WDR33: variants seen among roughly 807,000 people sequenced by gnomAD.
WDR33 encodes the protein WD repeat domain 33.
Under a neutral mutation model 164.9 loss-of-function variants are expected in WDR33, and 47 were observed. The ratio of observed to expected loss-of-function variants is 0.29; its 90% confidence interval spans 0.23 to 0.36. The LOEUF (loss-of-function observed/expected upper bound fraction) is 0.36. Ranked by LOEUF, WDR33 falls within the 10% of genes least tolerant of loss-of-function variation. The pLI is 1.00. For synonymous variants in WDR33, 505 were observed against 589.0 expected (o/e 0.86, Z 2.06); for missense variants, 1,137 against 1,754.1 (o/e 0.65, Z 6.28).
At chr2:127,805,068 C>CTT (rs201681607) in intron 1 of WDR33, among the ~76,000 whole-genome samples, 1,639 of 84,484 alleles carry the variant, frequency 0.019, 231 homozygotes, top group East Asian at 0.062. Context: ...GAAGTTTTTT[C>CTT]TTTTTTTTTT....
intron 7 of WDR33, chr2:127,737,870 A>C: frequency 7.0e-7 from 1 of 1,425,262 alleles, no homozygotes. Flanking sequence ...TCCGTGTCAA[A>C]GTAGAAGAGT....
At chr2:127,796,774 G>T (rs6430952) in intron 1 of WDR33, among the ~76,000 whole-genome samples, 36,110 of 151,636 alleles carry the variant, frequency 0.24, 4,903 homozygotes, top group African/African-American at 0.36. Flanking sequence ...TTTGTATTTC[G>T]GTCTCCTAAA....
At position 127,801,253 on chromosome 2, in the gene WDR33, A is replaced by G. The variant is rs183155403; in HGVS notation, c.-24+9759T>C. On this transcript the variant is annotated intron_variant, in intron 1 of 21. Coordinates refer to ENST00000322313, the MANE Select transcript of WDR33 (RefSeq NM_018383.5). ...AGCTATGATTATACCACTGTACTCCAGCAGGGGTAACAGAAGGAGACCTTT... is the reference window on the plus strand; with the variant it reads ...AGCTATGATTATACCACTGTACTCCGGCAGGGGTAACAGAAGGAGACCTTT... Among the ~76,000 whole-genome samples the G allele has an allele frequency of 2.6e-5, 4 of 152,322 alleles. No homozygotes were observed. In the East Asian group the frequency reaches 7.7e-4, roughly 29 times the overall value.
chr2:127,731,772 G>T (rs757408112), intron 7 of WDR33, among the ~76,000 whole-genome samples: 2 of 152,046 alleles, frequency 1.3e-5, no homozygotes, highest in Admixed American at 1.3e-4. Context: ...CCTAAAAAGG[G>T]TACATATTAC....
At chr2:127,727,113 C>A (rs139009409) in intron 7 of WDR33, among the ~76,000 whole-genome samples, 1 of 152,232 alleles carries the variant, frequency 6.6e-6, no homozygotes, top group African/African-American at 2.4e-5. Context: ...TCCCGATTAC[C>A]CTGATTATAG....
chr2:127,745,141 G>A (rs763176952), intron 7 of WDR33, among the ~76,000 whole-genome samples: 3 of 152,096 alleles, frequency 2.0e-5, no homozygotes, highest in Non-Finnish European at 4.4e-5. Flanking sequence ...TCTTTAAAAC[G>A]CATACTGAGA....
At chr2:127,765,895 C>G (rs1202160227) in intron 4 of WDR33, among the ~76,000 whole-genome samples, 1 of 151,734 alleles carries the variant, frequency 6.6e-6, no homozygotes, top group African/African-American at 2.4e-5. Context: ...AGTGCCATGA[C>G]TAATTAACAC....
intron 7 of WDR33, chr2:127,736,440 A>G: frequency 1.0e-6 from 1 of 985,456 alleles, no homozygotes; most frequent in South Asian, 4.7e-5. Context: ...AGTTATAAAA[A>G]ATTTTGAAAT....
rs202205365 is a variant in WDR33, at chr2:127,720,588, A to ATT, written c.1672-237_1672-236dup. Among the ~76,000 whole-genome samples, 1 of 147,126 alleles carries ATT rather than the reference A, an allele frequency of 6.8e-6. No individual in the cohort carries two copies. The highest frequency in any genetic ancestry group is 2.5e-5 in the African/African-American group (1 of 39,900). On this transcript the variant is annotated intron_variant, in intron 15 of 21. Transcript: ENST00000322313. The surrounding 1 kb of genome is among the most constrained non-coding windows in gnomAD (Gnocchi z 5.9). ...CAGTAGTAAGGATTTTTTTTTCCTT[A>ATT]TTTTTTTTTTCTGTCCCCCAAGCTG... is the stretch of plus-strand genomic sequence containing the variant.
chr2:127,706,196 G>A lies in WDR33; in HGVS notation c.*127C>T, dbSNP rs1412031576. On this transcript the variant is annotated 3_prime_UTR_variant, in exon 22 of 22. Coordinates refer to ENST00000322313, the MANE Select transcript of WDR33 (RefSeq NM_018383.5). The surrounding 1 kb of genome is among the most constrained non-coding windows in gnomAD (Gnocchi z 5.1). ...TTGAAGACCTCATTGAGGGTTCCTG[G>A]GATTCAGGTGCCCAGAAAAGAGTTC... The A allele has an allele frequency of 4.7e-6, 4 of 848,800 alleles. No individual in the cohort carries two copies. The highest frequency in any genetic ancestry group is 1.7e-6 in the Non-Finnish European group (1 of 587,822). The allele number at this position is 848,800 out of a possible 1,614,324, so 52.6% of individuals were successfully genotyped here.
chr2:127,782,212 G>A (rs1688395504), intron 1 of WDR33, among the ~76,000 whole-genome samples: 2 of 152,066 alleles, frequency 1.3e-5, no homozygotes, highest in African/African-American at 4.8e-5. Context: ...TTCACGACCA[G>A]CCTGACCAAC....
At chr2:127,795,216 T>A (rs1423590248) in intron 1 of WDR33, among the ~76,000 whole-genome samples, 1 of 150,772 alleles carries the variant, frequency 6.6e-6, no homozygotes, top group Non-Finnish European at 1.5e-5. Context: ...TTCTCCTGCC[T>A]CAGCCTCCTG....
chr2:127,788,800 A>ACC (rs1342523124), intron 1 of WDR33, among the ~76,000 whole-genome samples: 15 of 71,484 alleles, frequency 2.1e-4, no homozygotes, highest in African/African-American at 6.1e-4. Flanking sequence ...CGGGGGGTTG[A>ACC]CCCCCCCCCA....
In WDR33 at chr2:127,701,128, A is replaced by C; in HGVS notation, c.*5195T>G. The C allele has an allele frequency of 6.3e-6, 1 of 159,854 alleles. No homozygotes were observed. Among genetic ancestry groups the C allele is most frequent in the Non-Finnish European group, 1.4e-5 (1 of 73,236 alleles). The allele number at this position is 159,854 out of a possible 1,614,324, so 9.9% of individuals were successfully genotyped here. A position where few individuals can be genotyped will look rare whatever the true frequency, so the allele number is the denominator to read the frequency against. ...CCTTTACCCATTCCTCCATGTTGCA[A>C]AACTAGCACAATATCACCGCCACGG... On this transcript the variant is annotated 3_prime_UTR_variant, in exon 22 of 22. Coordinates refer to ENST00000322313, the MANE Select transcript of WDR33 (RefSeq NM_018383.5).
intron 1 of WDR33, among the ~76,000 whole-genome samples, chr2:127,771,215 C>T (rs1687992036): frequency 6.6e-6 from 1 of 152,134 alleles, no homozygotes; most frequent in Non-Finnish European, 1.5e-5. Context: ...GTACAAACTT[C>T]ACAGAGTTGT....
chr2:127,793,968 C>A (rs1184054318), intron 1 of WDR33, among the ~76,000 whole-genome samples: 1 of 152,002 alleles, frequency 6.6e-6, no homozygotes, highest in Admixed American at 6.6e-5. Context: ...AACCCTGTCT[C>A]TACCAAAATA....
chr2:127,723,248 C>T lies in WDR33; in HGVS notation c.1291+5G>A. 2 of 1,611,542 alleles carry T rather than the reference C, an allele frequency of 1.2e-6. No individual in the cohort carries two copies. The highest frequency in any genetic ancestry group is 1.7e-6 in the Non-Finnish European group (2 of 1,178,328). ...CAAAGAAGGACAGATGTGCAAGAGTCTCACCATATTCTACTCCATCTTCAG... is the reference window on the plus strand; with the variant it reads ...CAAAGAAGGACAGATGTGCAAGAGTTTCACCATATTCTACTCCATCTTCAG... On this transcript the variant is annotated splice_donor_5th_base_variant and intron_variant, in intron 12 of 21. Coordinates refer to ENST00000322313, the MANE Select transcript of WDR33 (RefSeq NM_018383.5). The surrounding 1 kb of genome is among the most constrained non-coding windows in gnomAD (Gnocchi z 5.9).
chr2:127,751,244 C>A (rs1573915425), intron 7 of WDR33, among the ~76,000 whole-genome samples: 1 of 151,710 alleles, frequency 6.6e-6, no homozygotes, highest in Non-Finnish European at 1.5e-5. Context: ...ACCTGTAGCC[C>A]CAGCTTCTCA....
intron 7 of WDR33, among the ~76,000 whole-genome samples, chr2:127,752,551 C>A (rs1464305249): frequency 1.4e-5 from 2 of 144,474 alleles, no homozygotes; most frequent in East Asian, 4.1e-4. Context: ...GATTGCGCCA[C>A]TGCAGTCCGC....
Sources: gnomAD v4.1 joint callset for allele counts (sites outside exome capture counted in the v4.1 genomes callset) on GRCh38, gnomAD v4.1.1 for gene constraint, Gnocchi (gnomAD v3.1) non-coding constraint, MANE v1.5 for transcripts, NCBI Gene and HGNC (gene_info 2026-07-23, HGNC 2026-07-21) for gene names.